GRIN2A: variants seen among roughly 807,000 people sequenced by gnomAD.
GRIN2A encodes the protein glutamate receptor ionotropic, NMDA 2A.
A neutral mutation model predicts 113.4 loss-of-function variants in GRIN2A; 22 were observed. The ratio of observed to expected loss-of-function variants is 0.19; its 90% CI spans 0.14 to 0.28. GRIN2A has a LOEUF of 0.28. Ranked by LOEUF, GRIN2A falls within the 10% of genes least tolerant of loss-of-function variation. The probability of loss-of-function intolerance (pLI) is 1.00; values close to 1 mark genes in which losing one functional copy is unlikely to be tolerated. For missense variants in GRIN2A, 1,502 were observed against 1,887.0 expected, an observed-to-expected ratio of 0.80 and a Z score of 3.78; for synonymous variants, 827 against 738.4, an observed-to-expected ratio of 1.12 and a Z score of -1.94.
At chr16:9,874,334 G>C (rs1295305215) in intron 4 of GRIN2A, among the ~76,000 whole-genome samples, 1 of 152,230 alleles carries the variant, frequency 6.6e-6, no homozygotes, top group Non-Finnish European at 1.5e-5. Context: ...CTGATTTACA[G>C]CTTCAGATGT....
chr16:10,048,688 G>A (rs2047301670), intron 2 of GRIN2A, among the ~76,000 whole-genome samples: 2 of 152,202 alleles, frequency 1.3e-5, no homozygotes, highest in Non-Finnish European at 2.9e-5. Context: ...CATTCCTCGG[G>A]CTGTTGAATG....
chr16:9,767,057 T>C (rs563394630), intron 12 of GRIN2A, among the ~76,000 whole-genome samples: 15 of 152,376 alleles, frequency 9.8e-5, no homozygotes, highest in Admixed American at 2.6e-4. Flanking sequence ...TGCATTTGTT[T>C]GGTGCTAATC....
At chr16:9,950,882 T>A (rs773281927) in intron 2 of GRIN2A, among the ~76,000 whole-genome samples, 1 of 152,220 alleles carries the variant, frequency 6.6e-6, no homozygotes, top group South Asian at 2.1e-4. Context: ...ACTGATTATT[T>A]ATTGCATTCC....
intron 3 of GRIN2A, among the ~76,000 whole-genome samples, chr16:9,925,765 C>T (rs1441100360): frequency 6.6e-6 from 1 of 152,102 alleles, no homozygotes; most frequent in Non-Finnish European, 1.5e-5. Flanking sequence ...CCATCTTGGT[C>T]TGAAGTAGCA....
At chr16:10,133,583 G>C (rs2049118239) in intron 2 of GRIN2A, among the ~76,000 whole-genome samples, 1 of 152,036 alleles carries the variant, frequency 6.6e-6, no homozygotes, top group Non-Finnish European at 1.5e-5. Context: ...CTCCAGCCTG[G>C]GTTGACAGAG....
chr16:9,984,341 T>C (rs2045942988), intron 2 of GRIN2A, among the ~76,000 whole-genome samples: 1 of 152,206 alleles, frequency 6.6e-6, no homozygotes, highest in Non-Finnish European at 1.5e-5. Context: ...ACTCTGATTT[T>C]TTCCTTTGCT....
intron 2 of GRIN2A, among the ~76,000 whole-genome samples, chr16:10,138,018 T>C (rs2049237930): frequency 6.6e-6 from 1 of 152,234 alleles, no homozygotes; most frequent in African/African-American, 2.4e-5. Context: ...ATTTGGATTT[T>C]ACCAATCCCT....
Position 9,757,094 on chromosome 16 carries a change from TC to T in GRIN2A, c.*6054del, listed in dbSNP as rs1900377370. ...TTTTACATCATGGTCTATTTTCTAA[TC>T]CTTTGGGGAATTTTTTCAACCTTTT... On this transcript the variant is annotated 3_prime_UTR_variant, in exon 13 of 13. Transcript: ENST00000330684. 4.7e-6 allele frequency: 1 copy of T among 211,100 alleles called. No individual in the cohort carries two copies. The highest frequency in any genetic ancestry group is 7.1e-5 in the East Asian group (1 of 14,068). The allele number at this position is 211,100 out of a possible 1,614,324, so 13.1% of individuals were successfully genotyped here. A position where few individuals can be genotyped will look rare whatever the true frequency, so the allele number is the denominator to read the frequency against.
chr16:9,774,819 T>C (rs575380944), intron 11 of GRIN2A, among the ~76,000 whole-genome samples: 3 of 152,190 alleles, frequency 2.0e-5, no homozygotes, highest in Non-Finnish European at 4.4e-5. Flanking sequence ...TCTGGAGATA[T>C]TATTATTGCC....
At chr16:10,119,900 C>T (rs11645334) in intron 2 of GRIN2A, among the ~76,000 whole-genome samples, 128,091 of 151,946 alleles carry the variant, frequency 0.84, 54,798 homozygotes, top group East Asian at 0.92. Context: ...CATGTTGCTG[C>T]AAAGTACATG....
At chr16:9,897,212 T>G (rs1488946813) in intron 3 of GRIN2A, among the ~76,000 whole-genome samples, 1 of 134,708 alleles carries the variant, frequency 7.4e-6, no homozygotes, top group African/African-American at 3.1e-5. Flanking sequence ...TTACATATTT[T>G]ATATATATAA....
intron 2 of GRIN2A, among the ~76,000 whole-genome samples, chr16:10,088,634 T>A (rs1299972381): frequency 6.6e-6 from 1 of 152,226 alleles, no homozygotes; most frequent in African/African-American, 2.4e-5. Flanking sequence ...AAATGTTTCC[T>A]CCCTAGAGGA....
chr16:10,048,250 C>T lies in GRIN2A; in HGVS notation c.415-109699G>A, dbSNP rs983536906. Among the ~76,000 whole-genome samples, 22 of 152,258 alleles carry T rather than the reference C, an allele frequency of 1.4e-4. No homozygotes were observed. The South Asian group carries it at 1.7e-3, about 11-fold the overall frequency. ...AAGGGCTAAATGAGTTAATATTTGT[C>T]TAATACTTAAAATCGTGATTGGCAC... On this transcript the variant is annotated intron_variant, in intron 2 of 12. Coordinates refer to ENST00000330684, the MANE Select transcript of GRIN2A (RefSeq NM_001134407.3).
chr16:10,106,475 G>A (rs1461083829), intron 2 of GRIN2A, among the ~76,000 whole-genome samples: 1 of 151,894 alleles, frequency 6.6e-6, no homozygotes, highest in Non-Finnish European at 1.5e-5. Flanking sequence ...CACCACTCTA[G>A]TACAACCAAA....
At chr16:9,971,604 G>A (rs909178302) in intron 2 of GRIN2A, among the ~76,000 whole-genome samples, 10 of 152,180 alleles carry the variant, frequency 6.6e-5, no homozygotes, top group Non-Finnish European at 1.5e-4. Context: ...CCAATGTCGG[G>A]TAAGAAAATG....
chr16:9,909,380 C>G (rs1270483847), intron 3 of GRIN2A, among the ~76,000 whole-genome samples: 1 of 152,202 alleles, frequency 6.6e-6, no homozygotes, highest in Non-Finnish European at 1.5e-5. Context: ...AGAATGAAAG[C>G]CAGCCCTAGG....
At chr16:10,101,502 G>A (rs2048393860) in intron 2 of GRIN2A, among the ~76,000 whole-genome samples, 1 of 152,218 alleles carries the variant, frequency 6.6e-6, no homozygotes, top group Non-Finnish European at 1.5e-5. Flanking sequence ...GAAGCTTTCT[G>A]AGCAACAGCA....
chr16:10,022,313 T>TCA (rs1264084614), intron 2 of GRIN2A, among the ~76,000 whole-genome samples: 1 of 151,328 alleles, frequency 6.6e-6, no homozygotes, highest in Non-Finnish European at 1.5e-5. Flanking sequence ...ATGCACATAT[T>TCA]CACACACACA....
chr16:10,066,274 G>A (rs538882000), intron 2 of GRIN2A, among the ~76,000 whole-genome samples: 1 of 152,284 alleles, frequency 6.6e-6, no homozygotes, highest in African/African-American at 2.4e-5. Context: ...AGGGTTGCCT[G>A]AACACTAGCT....
Sources: allele counts gnomAD v4.1 joint callset (sites outside exome capture counted in the v4.1 genomes callset), GRCh38; gene constraint gnomAD v4.1.1; transcripts MANE v1.5; gene names NCBI Gene and HGNC (gene_info 2026-07-23, HGNC 2026-07-21).